Variants in MAP3K4 observed in about 807,000 individuals in gnomAD.
MAP3K4 encodes the protein MAP three kinase 1.
A neutral mutation model predicts 185.6 loss-of-function variants in MAP3K4; 67 were observed. The ratio of observed to expected loss-of-function variants is 0.36; its 90% CI spans 0.30 to 0.44. The LOEUF (loss-of-function observed/expected upper bound fraction) is 0.44. MAP3K4 is among the 20% of genes least tolerant of loss of function. The probability of loss-of-function intolerance (pLI) is 1.00; values close to 1 mark genes in which losing one functional copy is unlikely to be tolerated. For missense variants in MAP3K4, 1,551 were observed against 1,995.1 expected, an observed-to-expected ratio of 0.78 and a Z score of 4.24; for synonymous variants, 702 against 710.4, an observed-to-expected ratio of 0.99 and a Z score of 0.19.
In MAP3K4 at chr6:161,113,366, G is replaced by A. The variant is rs1247014084; in HGVS notation, c.4626+592G>A. ...AGAAAGATGAGTGGTTGCCAGGGAC[G>A]TGGGGGAACAGAGAGACGAGTAAGT... On this transcript the variant is annotated intron_variant, in intron 25 of 26. Coordinates refer to ENST00000392142, the MANE Select transcript of MAP3K4 (RefSeq NM_005922.4). Among the ~76,000 whole-genome samples, 6 of 152,308 alleles carry A rather than the reference G, an allele frequency of 3.9e-5. No individual in the cohort carries two copies. The East Asian group carries it at 7.7e-4, about 20-fold the overall frequency.
intron 10 of MAP3K4, 121 bp from the exon 11 acceptor site, chr6:161,089,201 G>C (rs1785899121): frequency 2.8e-6 from 3 of 1,083,200 alleles, no homozygotes; most frequent in Non-Finnish European, 4.0e-6. Context: ...ATGACTTTCT[G>C]ATTAGATGGT....
Position 161,106,456 on chromosome 6 carries a change from T to C in MAP3K4, c.3857-58T>C. On this transcript the variant is annotated intron_variant, in intron 19 of 26. Transcript: ENST00000392142. The surrounding 1 kb of genome is among the most constrained non-coding windows in gnomAD (Gnocchi z 4.9). ...TGCTCTATTTTTATTGGTTTGTCTT[T>C]TGGAAACTGACTTGATAACAGTGAT... The C allele has an allele frequency of 2.3e-6, 3 of 1,332,660 alleles. No homozygotes were observed. Among genetic ancestry groups the C allele is most frequent in the Non-Finnish European group, 2.1e-6 (2 of 963,306 alleles). 82.6% of individuals were successfully genotyped at this position (1,332,660 alleles called of 1,614,324 possible).
rs2114881647 is a variant in MAP3K4, at chr6:161,097,013, TGTTTG to T, written c.3428-61_3428-57del. The T allele has an allele frequency of 3.8e-6, 5 of 1,299,276 alleles. No individual in the cohort carries two copies. The East Asian group carries it at 1.2e-4, about 30-fold the overall frequency. The allele number at this position is 1,299,276 out of a possible 1,614,324, so 80.5% of individuals were successfully genotyped here. On this transcript the variant is annotated intron_variant, in intron 15 of 26. Coordinates refer to ENST00000392142, the MANE Select transcript of MAP3K4 (RefSeq NM_005922.4). This position sits in a 1 kb window ranked among gnomAD's most constrained non-coding sequence, Gnocchi z 4.9. ...AGTGACATTCTATTTTCCATTTGAC[TGTTTG>T]GTTTGATGATTTTCTGTGGACCATA... is the stretch of plus-strand genomic sequence containing the variant.
intron 1 of MAP3K4, among the ~76,000 whole-genome samples, chr6:161,019,077 A>G (rs948514025): frequency 6.6e-6 from 1 of 152,222 alleles, no homozygotes. Context: ...TAGCGTGTGT[A>G]TTGAGTTTTA....
chr6:161,066,774 C>T (rs1474079296), intron 3 of MAP3K4, among the ~76,000 whole-genome samples: 1 of 152,160 alleles, frequency 6.6e-6, no homozygotes, highest in East Asian at 1.9e-4. Context: ...TCCTCTGTGA[C>T]TGTGGAGGTC....
At chr6:161,102,806 A>T in intron 19 of MAP3K4, 27 bp downstream of exon 19, 2 of 1,080,082 alleles carry the variant, frequency 1.9e-6, no homozygotes, top group Middle Eastern at 2.3e-4. Flanking sequence ...TGAAGTTAAA[A>T]AAAAAAAAAA....
At chr6:161,012,350 G>C (rs1470470732) in intron 1 of MAP3K4, among the ~76,000 whole-genome samples, 1 of 151,962 alleles carries the variant, frequency 6.6e-6, no homozygotes, top group African/African-American at 2.4e-5. Context: ...TGTTTCTCTT[G>C]GGAATATTCC....
rs1031316800 is a variant in MAP3K4 at position 161,007,484 on chromosome 6, A to C, written c.152+15401A>C. 3.3e-5 allele frequency among the ~76,000 whole-genome samples: 5 copies of C among 152,198 alleles called. No homozygotes were observed. The highest frequency in any genetic ancestry group is 1.3e-4 in the Admixed American group (2 of 15,280). On this transcript the variant is annotated intron_variant, in intron 1 of 26. Coordinates refer to ENST00000392142, the MANE Select transcript of MAP3K4 (RefSeq NM_005922.4). This position sits in a 1 kb window ranked among gnomAD's most constrained non-coding sequence, Gnocchi z 4.5. Reference sequence around the variant, plus strand: ...TGGATTTCCTATCCATTGCTCTCTTAAGGAGCACAGGGCTCAGATAAAGTT... The same window carrying C: ...TGGATTTCCTATCCATTGCTCTCTTCAGGAGCACAGGGCTCAGATAAAGTT...
chr6:161,113,077 A>G (rs1023423178), intron 25 of MAP3K4, among the ~76,000 whole-genome samples: 16 of 152,230 alleles, frequency 1.1e-4, no homozygotes, highest in Non-Finnish European at 1.2e-4. Context: ...ATGTCCACAC[A>G]AAAACCCGCA....
intron 5 of MAP3K4, among the ~76,000 whole-genome samples, chr6:161,078,715 C>T (rs752819466): frequency 1.3e-5 from 2 of 151,992 alleles, no homozygotes; most frequent in South Asian, 2.1e-4. Context: ...AAGAAGTGTT[C>T]GGTGGGTTTT....
chr6:161,036,659 CA>C (rs1431374076), intron 2 of MAP3K4, among the ~76,000 whole-genome samples: 2 of 152,138 alleles, frequency 1.3e-5, no homozygotes, highest in Non-Finnish European at 2.9e-5. Flanking sequence ...TTATCATTAG[CA>C]ATTACTGGGT....
intron 1 of MAP3K4, among the ~76,000 whole-genome samples, chr6:161,024,409 T>C (rs1369129523): frequency 6.6e-6 from 1 of 152,220 alleles, no homozygotes; most frequent in African/African-American, 2.4e-5. Context: ...ATTGACACTT[T>C]GTTGTTAACT....
chr6:161,079,446 G>T (rs894400941), intron 5 of MAP3K4, among the ~76,000 whole-genome samples: 1 of 151,764 alleles, frequency 6.6e-6, no homozygotes, highest in African/African-American at 2.4e-5. Context: ...TTGTGGTGGC[G>T]CATGCCTGTA....
In MAP3K4 at chr6:161,017,672, A is replaced by G. The variant is rs1357863853; in HGVS notation, c.153-16587A>G. Among the ~76,000 whole-genome samples the G allele has an allele frequency of 1.3e-5, 2 of 152,178 alleles. No individual in the cohort carries two copies. The highest frequency in any genetic ancestry group is 3.8e-4 in the East Asian group (2 of 5,204). On this transcript the variant is annotated intron_variant, in intron 1 of 26. Transcript: ENST00000392142. This position sits in a 1 kb window ranked among gnomAD's most constrained non-coding sequence, Gnocchi z 5.1. ...GTGTTTTAGCCTCCAAAATGAGGTG[A>G]TTTTTGCCTTTTTATGTAAAGTAAA...
Position 160,996,591 on chromosome 6 carries a change from T to A in MAP3K4, c.152+4508T>A, listed in dbSNP as rs1402097768. Among the ~76,000 whole-genome samples, 1 of 152,216 alleles carries A rather than the reference T, an allele frequency of 6.6e-6. No individual in the cohort carries two copies. ...GTATGTATGCTGTTTGAAGACTCTT[T>A]AACGTTGCCTATCAGTAGGCTACTG... On this transcript the variant is annotated intron_variant, in intron 1 of 26. Transcript: ENST00000392142. The surrounding 1 kb of genome is among the most constrained non-coding windows in gnomAD (Gnocchi z 4.5).
In MAP3K4 at chr6:161,048,604, T is replaced by C; in HGVS notation, c.344-12T>C. The C allele has an allele frequency of 6.5e-7, 1 of 1,532,398 alleles. No homozygotes were observed. The highest frequency in any genetic ancestry group is 8.8e-7 in the Non-Finnish European group (1 of 1,139,562). The allele number at this position is 1,532,398 out of a possible 1,614,324, so 94.9% of individuals were successfully genotyped here. On this transcript the variant is annotated splice_polypyrimidine_tract_variant and intron_variant, in intron 2 of 26. Transcript: ENST00000392142. The surrounding 1 kb of genome is among the most constrained non-coding windows in gnomAD (Gnocchi z 4.7). ...AGTTATATAATGTTCTGTTTATTTTTTTTTTTAATAGAAAAAATGAATGCA... is the reference window on the plus strand; with the variant it reads ...AGTTATATAATGTTCTGTTTATTTTCTTTTTTAATAGAAAAAATGAATGCA...
rs574644775 is a variant in MAP3K4 at position 161,021,361 on chromosome 6, G to C, written c.153-12898G>C. Among the ~76,000 whole-genome samples, 75 of 152,260 alleles carry C rather than the reference G, an allele frequency of 4.9e-4. No homozygotes were observed. In the Middle Eastern group the frequency reaches 0.017, roughly 35 times the overall value. Reference sequence around the variant, plus strand: ...TCTGGGACTCGGATTCACTCCGCCTGCCCCACCCTGGGTTGTCATGGGCTC... The same window carrying C: ...TCTGGGACTCGGATTCACTCCGCCTCCCCCACCCTGGGTTGTCATGGGCTC... On this transcript the variant is annotated intron_variant, in intron 1 of 26. Transcript: ENST00000392142.
intron 1 of MAP3K4, among the ~76,000 whole-genome samples, chr6:161,009,553 T>A (rs1781752643): frequency 6.6e-6 from 1 of 152,224 alleles, no homozygotes. Flanking sequence ...TCATCCATGT[T>A]ACGGGGTGTC....
In MAP3K4 at chr6:161,117,113, G is replaced by A. The variant is rs754223221; in HGVS notation, c.*243G>A. Reference sequence around the variant, plus strand: ...TTAAGTGCCATTACTACTGTACACGGACCATCGCCTCTGTCTCCTCCGTGT... The same window carrying A: ...TTAAGTGCCATTACTACTGTACACGAACCATCGCCTCTGTCTCCTCCGTGT... On this transcript the variant is annotated 3_prime_UTR_variant, in exon 27 of 27. Transcript: ENST00000392142. The A allele has an allele frequency of 1.9e-6, 1 of 515,862 alleles. No individual in the cohort carries two copies. The highest frequency in any genetic ancestry group is 3.4e-6 in the Non-Finnish European group (1 of 290,258). The allele number at this position is 515,862 out of a possible 1,614,324, so 32.0% of individuals were successfully genotyped here. A position where few individuals can be genotyped will look rare whatever the true frequency, so the allele number is the denominator to read the frequency against.
Sources: allele counts gnomAD v4.1 joint callset (sites outside exome capture counted in the v4.1 genomes callset), GRCh38; gene constraint gnomAD v4.1.1; non-coding constraint Gnocchi (gnomAD v3.1); transcripts MANE v1.5; gene names NCBI Gene and HGNC (gene_info 2026-07-23, HGNC 2026-07-21).